GMDS: variants seen among roughly 807,000 people sequenced by gnomAD.
GMDS encodes the protein GDP-mannose 4,6-dehydratase, also known as GDP-mannose 4,6 dehydratase.
Under a neutral mutation model 49.9 loss-of-function variants are expected in GMDS, and 20 were observed. That is an observed-to-expected ratio of 0.40 (90% CI 0.28 to 0.58). GMDS has a LOEUF of 0.58. Ranked by LOEUF, GMDS falls within the 20% of genes least tolerant of loss-of-function variation. The pLI, the probability that GMDS is intolerant of heterozygous loss-of-function variation, is 0.42. For missense variants in GMDS, 362 were observed against 481.4 expected (o/e 0.75, Z 2.32); for synonymous variants, 177 against 178.6 (o/e 0.99, Z 0.07).
intron 4 of GMDS, among the ~76,000 whole-genome samples, chr6:2,103,101 C>T (rs1390164173): frequency 6.6e-6 from 1 of 152,138 alleles, no homozygotes; most frequent in Non-Finnish European, 1.5e-5. Context: ...ATGTTTAATG[C>T]TTCATTAAAA....
intron 9 of GMDS, among the ~76,000 whole-genome samples, chr6:1,661,018 C>T (rs898471768): frequency 5.9e-5 from 9 of 151,776 alleles, no homozygotes; most frequent in Admixed American, 4.6e-4. Flanking sequence ...ATCTGAGCAG[C>T]GCCACATAAA....
intron 9 of GMDS, among the ~76,000 whole-genome samples, chr6:1,634,202 G>T (rs1437766840): frequency 6.6e-6 from 1 of 152,138 alleles, no homozygotes. Flanking sequence ...GGCCCTGAAA[G>T]ACATGGAGAC....
At chr6:2,200,176 T>C (rs1214504418) in intron 1 of GMDS, among the ~76,000 whole-genome samples, 2 of 152,138 alleles carry the variant, frequency 1.3e-5, no homozygotes, top group Non-Finnish European at 2.9e-5. Context: ...GTTTATTCTG[T>C]AGACAAGGGA....
chr6:2,191,821 G>A lies in GMDS; in HGVS notation c.102+53500C>T, dbSNP rs1223947930. On this transcript the variant is annotated intron_variant, in intron 1 of 10. Coordinates refer to ENST00000380815, the MANE Select transcript of GMDS (RefSeq NM_001500.4). The surrounding 1 kb of genome is among the most constrained non-coding windows in gnomAD (Gnocchi z 4.6). ...TGGCAGGAAGCAGACAGGCTCCGGGGTGGAAGGGGGTAGGTCCCTGGTGAG... is the reference window on the plus strand; with the variant it reads ...TGGCAGGAAGCAGACAGGCTCCGGGATGGAAGGGGGTAGGTCCCTGGTGAG... Among the ~76,000 whole-genome samples the A allele has an allele frequency of 6.6e-6, 1 of 152,202 alleles. No homozygotes were observed. The highest frequency in any genetic ancestry group is 1.5e-5 in the Non-Finnish European group (1 of 68,032).
chr6:1,685,471 G>A (rs9503002), intron 9 of GMDS, among the ~76,000 whole-genome samples: 34,357 of 151,938 alleles, frequency 0.23, 4,117 homozygotes, highest in East Asian at 0.49. Flanking sequence ...TTTGCTAAGC[G>A]ACTTTAGTAA....
chr6:2,006,671 C>T (rs184342777), intron 4 of GMDS, among the ~76,000 whole-genome samples: 38 of 152,228 alleles, frequency 2.5e-4, no homozygotes, highest in Admixed American at 2.3e-3. Context: ...CATCATTTTC[C>T]TGTGTCTCCC....
intron 2 of GMDS, among the ~76,000 whole-genome samples, chr6:2,121,631 A>G (rs1179692624): frequency 6.6e-6 from 1 of 152,204 alleles, no homozygotes. Context: ...GATTAACCAC[A>G]ACTAATCAAT....
At chr6:1,983,880 A>T (rs1182648594) in intron 4 of GMDS, among the ~76,000 whole-genome samples, 1 of 152,232 alleles carries the variant, frequency 6.6e-6, no homozygotes, top group African/African-American at 2.4e-5. Context: ...GTATACATTC[A>T]AAAGAATATA....
intron 7 of GMDS, among the ~76,000 whole-genome samples, chr6:1,915,982 C>A (rs9654658): frequency 6.6e-6 from 1 of 152,204 alleles, no homozygotes; most frequent in African/African-American, 2.4e-5. Flanking sequence ...TGGGAGGTGG[C>A]AACACCTTCA....
chr6:1,814,345 G>A lies in GMDS; in HGVS notation c.772-71759C>T, dbSNP rs534974040. Among the ~76,000 whole-genome samples the A allele has an allele frequency of 2.6e-5, 4 of 152,152 alleles. No homozygotes were observed. The South Asian group carries it at 8.3e-4, about 32-fold the overall frequency. ...TTGTTTTCTTTCTTTTCTAAAAGAG[G>A]TGTGCATTTTGGGACTATAAAGACT... is the stretch of plus-strand genomic sequence containing the variant. On this transcript the variant is annotated intron_variant, in intron 7 of 10. Coordinates refer to ENST00000380815, the MANE Select transcript of GMDS (RefSeq NM_001500.4).
rs1471654954 is a variant in GMDS at position 1,833,601 on chromosome 6, T to C, written c.772-91015A>G. ...AATTGTAAATTACTTGAGAGAGAAA[T>C]GTTTAGACTCATGACAAGTCTTTGT... is the stretch of plus-strand genomic sequence containing the variant. On this transcript the variant is annotated intron_variant, in intron 7 of 10. Coordinates refer to ENST00000380815, the MANE Select transcript of GMDS (RefSeq NM_001500.4). The surrounding 1 kb of genome is among the most constrained non-coding windows in gnomAD (Gnocchi z 4.4). Among the ~76,000 whole-genome samples the C allele has an allele frequency of 6.6e-6, 1 of 152,042 alleles. No individual in the cohort carries two copies. The highest frequency in any genetic ancestry group is 1.5e-5 in the Non-Finnish European group (1 of 68,016).
At chr6:2,035,430 C>G (rs974148188) in intron 4 of GMDS, among the ~76,000 whole-genome samples, 11 of 152,100 alleles carry the variant, frequency 7.2e-5, no homozygotes, top group Admixed American at 1.3e-4. Context: ...CCTGATTTTC[C>G]AAGGATTCAC....
intron 7 of GMDS, among the ~76,000 whole-genome samples, chr6:1,902,048 G>A (rs1055505916): frequency 6.6e-6 from 1 of 152,134 alleles, no homozygotes; most frequent in Non-Finnish European, 1.5e-5. Flanking sequence ...GAAAATCTGG[G>A]GTGAAATATC....
chr6:1,708,623 C>G (rs1463248785), intron 9 of GMDS, among the ~76,000 whole-genome samples: 2 of 152,222 alleles, frequency 1.3e-5, no homozygotes, highest in Admixed American at 1.3e-4. Flanking sequence ...CAAACCATGC[C>G]TATTATAAAC....
At chr6:1,975,734 T>G (rs78037774) in intron 4 of GMDS, among the ~76,000 whole-genome samples, 3 of 152,174 alleles carry the variant, frequency 2.0e-5, no homozygotes, top group Non-Finnish European at 2.9e-5. Flanking sequence ...ATTGGACCAT[T>G]TGAAGACAAT....
chr6:1,780,055 C>T (rs111378770), intron 7 of GMDS, among the ~76,000 whole-genome samples: 7 of 152,358 alleles, frequency 4.6e-5, no homozygotes, highest in Non-Finnish European at 8.8e-5. Flanking sequence ...ACCGTGAGCA[C>T]GCCTCACTCA....
intron 4 of GMDS, among the ~76,000 whole-genome samples, chr6:2,083,624 A>C (rs966547441): frequency 6.6e-6 from 1 of 152,214 alleles, no homozygotes; most frequent in Non-Finnish European, 1.5e-5. Flanking sequence ...TCTTCTAGAT[A>C]ATCAAGAGTT....
intron 9 of GMDS, among the ~76,000 whole-genome samples, chr6:1,665,430 G>A (rs1028951088): frequency 3.3e-5 from 5 of 152,216 alleles, no homozygotes; most frequent in African/African-American, 1.2e-4. Flanking sequence ...GTTTGAGGGA[G>A]GTAATGGGCC....
chr6:2,168,843 C>G (rs1581741548), intron 1 of GMDS, among the ~76,000 whole-genome samples: 1 of 152,194 alleles, frequency 6.6e-6, no homozygotes, highest in Non-Finnish European at 1.5e-5. Flanking sequence ...ATAAAAAAGT[C>G]TGCTCTCAAT....
Sources: gnomAD v4.1 joint callset for allele counts (sites outside exome capture counted in the v4.1 genomes callset) on GRCh38, gnomAD v4.1.1 for gene constraint, Gnocchi (gnomAD v3.1) non-coding constraint, MANE v1.5 for transcripts, NCBI Gene and HGNC (gene_info 2026-07-23, HGNC 2026-07-21) for gene names.